ZNF696: variants seen among roughly 807,000 people sequenced by gnomAD.
ZNF696 encodes zinc finger protein 696.
ZNF696 carries 10 observed loss-of-function variants against 12.3 expected under a neutral mutation model. That is an observed-to-expected ratio of 0.81 (90% CI 0.50 to 1.38). The LOEUF (loss-of-function observed/expected upper bound fraction) is 1.38, where lower values mean the gene tolerates loss of function less well. Ranked by LOEUF, ZNF696 falls within the 40% of genes most tolerant of loss-of-function variation. The pLI is 0.00. For missense variants in ZNF696, 675 were observed against 554.7 expected (o/e 1.22, Z -2.18); for synonymous variants, 304 against 243.9 (o/e 1.25, Z -2.29).
In ZNF696 at chr8:143,298,762, T is replaced by C. The variant is rs981935812; in HGVS notation, c.*1962T>C. ...TAGGCAGGACTCCTTAAAGAACTTT[T>C]GGAAATGAAAAACAGGCCAGGTGCA... On this transcript the variant is annotated 3_prime_UTR_variant, in exon 3 of 3. Transcript: ENST00000330143. 2.0e-5 allele frequency among the ~76,000 whole-genome samples: 3 copies of C among 152,174 alleles called. No individual in the cohort carries two copies. The highest frequency in any genetic ancestry group is 7.2e-5 in the African/African-American group (3 of 41,436).
chr8:143,294,322 G>GCCGCTCAGCCTGACCAGCGCCA (rs1815672055), intron 2 of ZNF696, among the ~76,000 whole-genome samples: 2 of 151,916 alleles, frequency 1.3e-5, no homozygotes, highest in African/African-American at 4.8e-5. Context: ...GACCAGCGCC[G>GCCGCTCAGCCTGACCAGCGCCA]CCGCCGCCCA....
Position 143,299,907 on chromosome 8 carries a change from C to G in ZNF696, c.*3107C>G, listed in dbSNP as rs1282319222. 6.6e-6 allele frequency among the ~76,000 whole-genome samples: 1 copy of G among 151,976 alleles called. No individual in the cohort carries two copies. Among genetic ancestry groups the G allele is most frequent in the Non-Finnish European group, 1.5e-5 (1 of 67,992 alleles). ...GAGACTGCAGTGAGCTGTAGTCATA[C>G]CACTACACTCCAGCCTGGGCAAAAG... On this transcript the variant is annotated 3_prime_UTR_variant, in exon 3 of 3. Transcript: ENST00000330143.
intron 2 of ZNF696, among the ~76,000 whole-genome samples, chr8:143,294,306 C>T (rs1815671491): frequency 6.6e-6 from 1 of 152,234 alleles, no homozygotes; most frequent in Non-Finnish European, 1.5e-5. Flanking sequence ...TGGGGTTGCT[C>T]AGCCTGACCA....
chr8:143,295,924 C>G lies in ZNF696; in HGVS notation c.249C>G (p.Pro83=). 6 of 1,561,770 alleles carry G rather than the reference C, an allele frequency of 3.8e-6. No homozygotes were observed. The highest frequency in any genetic ancestry group is 5.2e-6 in the Non-Finnish European group (6 of 1,152,980). ...LCENQEARER[P]GGSPRGPVTS... ...AAAACCAGGAAGCCAGAGAGAGGCC[C>G]GGAGGTTCCCCTCGAGGCCCGGTCA... Residue 83 remains proline (P), a synonymous_variant, in exon 3 of 3, where the codon CCC becomes CCG. Transcript: ENST00000330143.
Position 143,296,217 on chromosome 8 carries a change from A to G in ZNF696, c.542A>G (p.Tyr181Cys). 1 of 1,595,286 alleles carries G rather than the reference A, an allele frequency of 6.3e-7. No individual in the cohort carries two copies. The highest frequency in any genetic ancestry group is 1.3e-5 in the African/African-American group (1 of 74,720). ...HQRAHSGERPYACAECGKAFG... is the reference protein window; with the variant it reads ...HQRAHSGERPCACAECGKAFG... ...CGGGCGCACAGCGGGGAGAGGCCCT[A>G]CGCGTGCGCCGAGTGCGGCAAGGCC... Residue 181 changes from tyrosine to cysteine, a missense_variant, in exon 3 of 3, where the codon TAC becomes TGC. By Grantham distance (194) the Tyr-to-Cys change is radical (BLOSUM62 -2). Transcript: ENST00000330143.
At position 143,294,889 on chromosome 8, in the gene ZNF696, G is replaced by T. The variant is rs532989545; in HGVS notation, c.65-851G>T. Among the ~76,000 whole-genome samples the T allele has an allele frequency of 1.6e-4, 25 of 152,204 alleles. No homozygotes were observed. The South Asian group carries it at 5.0e-3, about 30-fold the overall frequency. On this transcript the variant is annotated intron_variant, in intron 2 of 2. Transcript: ENST00000330143. ...AGGAGGGTTGAGCCCAGGAGTTCAA[G>T]ACCAGCCTGGGCAACACATTGACAC... is the stretch of plus-strand genomic sequence containing the variant.
chr8:143,295,998 C>G lies in ZNF696; in HGVS notation c.323C>G (p.Pro108Arg), dbSNP rs769023201. Residue 108 changes from proline (P) to arginine (R), a missense_variant, in exon 3 of 3, where the codon CCG becomes CGG. Transcript: ENST00000330143. ...AGTGGCCTCGAGTCAGACGTCCCTCCGAACGCAGGCCCCGGCGCAGAGGGC... is the reference window on the plus strand; with the variant it reads ...AGTGGCCTCGAGTCAGACGTCCCTCGGAACGCAGGCCCCGGCGCAGAGGGC... ...GQSGLESDVPPNAGPGAEGGG... is the reference protein window; with the variant it reads ...GQSGLESDVPRNAGPGAEGGG... 3 of 1,593,042 alleles carry G rather than the reference C, an allele frequency of 1.9e-6. No individual in the cohort carries two copies. Among genetic ancestry groups the G allele is most frequent in the Non-Finnish European group, 2.6e-6 (3 of 1,169,352 alleles).
chr8:143,294,089 C>A (rs1188186332), intron 2 of ZNF696, among the ~76,000 whole-genome samples: 2 of 152,248 alleles, frequency 1.3e-5, no homozygotes, highest in Non-Finnish European at 2.9e-5. Context: ...GTTGGCCCCC[C>A]TCCTCCTGCT....
At chr8:143,294,488 C>G (rs771367034) in intron 2 of ZNF696, among the ~76,000 whole-genome samples, 1 of 151,644 alleles carries the variant, frequency 6.6e-6, no homozygotes, top group Middle Eastern at 3.2e-3. Flanking sequence ...TCAAGTGATT[C>G]TTCTGCCTCA....
At chr8:143,291,916 C>A in intron 1 of ZNF696, 149 bp downstream of exon 1, 3 of 404,062 alleles carry the variant, frequency 7.4e-6, no homozygotes, top group Non-Finnish European at 1.0e-5. Context: ...CCCTGGCAGG[C>A]GGGATTACAG....
chr8:143,291,849 T>C (rs899193322), intron 1 of ZNF696, 82 bp downstream of exon 1: 54 of 953,946 alleles, frequency 5.7e-5, no homozygotes, highest in Non-Finnish European at 6.7e-5. Flanking sequence ...GGGGTCTCGC[T>C]ATGTTTCCCA....
rs1383101579 is a variant in ZNF696, at chr8:143,296,706, C to T, written c.1031C>T (p.Thr344Met). The change falls in exon 3 of 3, where the codon ACG becomes ATG. Residue 344 changes from threonine to methionine, a missense_variant. Coordinates refer to ENST00000330143, the MANE Select transcript of ZNF696 (RefSeq NM_030895.3). ...SGFFRHQRLH[T>M]GEKPFRCTEC... ...TTCTTCCGGCACCAGCGACTCCACACGGGCGAGAAGCCGTTCCGCTGCACC... is the reference window on the plus strand; with the variant it reads ...TTCTTCCGGCACCAGCGACTCCACATGGGCGAGAAGCCGTTCCGCTGCACC... 17 of 1,558,240 alleles carry T rather than the reference C, an allele frequency of 1.1e-5. No individual in the cohort carries two copies. The highest frequency in any genetic ancestry group is 9.3e-5 in the South Asian group (8 of 85,888).
In ZNF696 at chr8:143,299,116, G is replaced by C. The variant is rs1235098643; in HGVS notation, c.*2316G>C. ...AGAAGATGCAGTGAGCCGAGATCAC[G>C]CCATTGCACTCCAGCCTGGGCAAAA... On this transcript the variant is annotated 3_prime_UTR_variant, in exon 3 of 3. Coordinates refer to ENST00000330143, the MANE Select transcript of ZNF696 (RefSeq NM_030895.3). 6.6e-6 allele frequency among the ~76,000 whole-genome samples: 1 copy of C among 152,120 alleles called. No individual in the cohort carries two copies. Among genetic ancestry groups the C allele is most frequent in the East Asian group, 1.9e-4 (1 of 5,198 alleles).
Position 143,297,530 on chromosome 8 carries a change from A to T in ZNF696, c.*730A>T, listed in dbSNP as rs932573734. On this transcript the variant is annotated 3_prime_UTR_variant, in exon 3 of 3. Transcript: ENST00000330143. ...TTGGGCGTGGTGGCGTGCGCCTGTA[A>T]TCTCAGCTACTTGGGAGCCTGGGGC... is the stretch of plus-strand genomic sequence containing the variant. The T allele has an allele frequency of 6.6e-6, 1 of 152,316 alleles. No individual in the cohort carries two copies. Among genetic ancestry groups the T allele is most frequent in the Non-Finnish European group, 1.5e-5 (1 of 68,106 alleles). The allele number at this position is 152,316 out of a possible 1,614,324, so 9.4% of individuals were successfully genotyped here.
Position 143,298,323 on chromosome 8 carries a change from C to T in ZNF696, c.*1523C>T, listed in dbSNP as rs1815752953. Among the ~76,000 whole-genome samples the T allele has an allele frequency of 6.6e-6, 1 of 152,138 alleles. No individual in the cohort carries two copies. Among genetic ancestry groups the T allele is most frequent in the African/African-American group, 2.4e-5 (1 of 41,390 alleles). On this transcript the variant is annotated 3_prime_UTR_variant, in exon 3 of 3. Coordinates refer to ENST00000330143, the MANE Select transcript of ZNF696 (RefSeq NM_030895.3). ...AATGCATGAGCTTAGGGTTGTGCAG[C>T]CTGTAGGGGCAGGGGTGGTCTCAGA...
intron 2 of ZNF696, chr8:143,293,412 C>G (rs1815657721): frequency 2.3e-6 from 1 of 428,404 alleles, no homozygotes; most frequent in East Asian, 3.7e-5. Context: ...CGTTCGGCAG[C>G]ACCCTCGCCT....
rs1455033380 is a variant in ZNF696, at chr8:143,299,573, A to G, written c.*2773A>G. 6.6e-6 allele frequency among the ~76,000 whole-genome samples: 1 copy of G among 152,154 alleles called. No homozygotes were observed. The highest frequency in any genetic ancestry group is 1.5e-5 in the Non-Finnish European group (1 of 68,016). ...CAGGAGTTTGAGGCAGCAGTGAGCTACGATTGTGCCGCTGCACTCCAGACT... is the reference window on the plus strand; with the variant it reads ...CAGGAGTTTGAGGCAGCAGTGAGCTGCGATTGTGCCGCTGCACTCCAGACT... On this transcript the variant is annotated 3_prime_UTR_variant, in exon 3 of 3. Coordinates refer to ENST00000330143, the MANE Select transcript of ZNF696 (RefSeq NM_030895.3).
chr8:143,299,693 C>T lies in ZNF696; in HGVS notation c.*2893C>T, dbSNP rs1162781185. ...AGAACGAAATCAGGCTGGGCCTGAGCGCTGTGGCTCACACCTGTAATCCCA... is the reference window on the plus strand; with the variant it reads ...AGAACGAAATCAGGCTGGGCCTGAGTGCTGTGGCTCACACCTGTAATCCCA... On this transcript the variant is annotated 3_prime_UTR_variant, in exon 3 of 3. Coordinates refer to ENST00000330143, the MANE Select transcript of ZNF696 (RefSeq NM_030895.3). Among the ~76,000 whole-genome samples, 1 of 152,238 alleles carries T rather than the reference C, an allele frequency of 6.6e-6. No homozygotes were observed. Among genetic ancestry groups the T allele is most frequent in the African/African-American group, 2.4e-5 (1 of 41,452 alleles).
chr8:143,291,949 A>G (rs1224032188), intron 1 of ZNF696, among the ~76,000 whole-genome samples, 182 bp downstream of exon 1: 1 of 151,630 alleles, frequency 6.6e-6, no homozygotes, highest in African/African-American at 2.4e-5. Context: ...AAATTTACTA[A>G]TTAATCACTT....
Sources: allele counts gnomAD v4.1 joint callset (sites outside exome capture counted in the v4.1 genomes callset), GRCh38; gene constraint gnomAD v4.1.1; transcripts MANE v1.5; gene names NCBI Gene and HGNC (gene_info 2026-07-23, HGNC 2026-07-21).